The following PDE11A variants were observed in gnomAD, a reference collection of about 807,000 sequenced individuals.
The protein encoded by PDE11A is dual 3',5'-cyclic-AMP and -GMP phosphodiesterase 11A.
In PDE11A, 100 loss-of-function variants were observed where a neutral mutation model predicts 100.5. The ratio of observed to expected loss-of-function variants is 1.00; its 90% CI spans 0.85 to 1.18. The LOEUF is 1.18. PDE11A is among the 50% of genes most tolerant of loss of function. The pLI is 0.00. For synonymous variants in PDE11A, 381 were observed against 420.8 expected (o/e 0.91, Z 1.16); for missense variants, 1,141 against 1,152.6 (o/e 0.99, Z 0.15).
intron 3 of PDE11A, among the ~76,000 whole-genome samples, chr2:177,902,956 A>G (rs2084721446): frequency 6.6e-6 from 1 of 152,196 alleles, no homozygotes; most frequent in Non-Finnish European, 1.5e-5. Flanking sequence ...TATTATCTCC[A>G]GGGAGGCCAG....
At position 178,056,644 on chromosome 2, in the gene PDE11A, G is replaced by A. The variant is rs181762536; in HGVS notation, c.912+14882C>T. On this transcript the variant is annotated intron_variant, in intron 1 of 19. Coordinates refer to ENST00000286063, the MANE Select transcript of PDE11A (RefSeq NM_016953.4). ...CTCTGTGTATTTAAAAGAAAAACAAGTATTTCATATATCTGATATTAAAAT... is the reference window on the plus strand; with the variant it reads ...CTCTGTGTATTTAAAAGAAAAACAAATATTTCATATATCTGATATTAAAAT... Among the ~76,000 whole-genome samples, 621 of 152,092 alleles carry A rather than the reference G, an allele frequency of 4.1e-3. 4 individuals are homozygous for A. Among genetic ancestry groups the A allele is most frequent in the Middle Eastern group, 0.031 (9 of 294 alleles).
intron 19 of PDE11A, among the ~76,000 whole-genome samples, chr2:177,647,118 G>A (rs560515910): frequency 2.6e-5 from 4 of 152,294 alleles, no homozygotes; most frequent in South Asian, 4.2e-4. Context: ...AAGCAGTCAC[G>A]TGGTAATAAT....
intron 2 of PDE11A, among the ~76,000 whole-genome samples, chr2:177,935,786 C>T (rs1019558682): frequency 1.3e-5 from 2 of 152,114 alleles, no homozygotes; most frequent in African/African-American, 2.4e-5. Context: ...ACCATAAATG[C>T]GATGTTGAGC....
intron 2 of PDE11A, among the ~76,000 whole-genome samples, chr2:177,956,382 A>G: frequency 6.6e-6 from 1 of 152,208 alleles, no homozygotes; most frequent in East Asian, 1.9e-4. Context: ...ACCAGTTAGA[A>G]TGGCAATCAT....
chr2:177,724,880 C>G (rs2081577565), intron 12 of PDE11A, among the ~76,000 whole-genome samples: 1 of 152,072 alleles, frequency 6.6e-6, no homozygotes, highest in South Asian at 2.1e-4. Flanking sequence ...CCTCAGCACA[C>G]ACACGCTGTG....
intron 1 of PDE11A, among the ~76,000 whole-genome samples, chr2:178,104,788 A>G (rs987253147): frequency 6.6e-6 from 1 of 152,214 alleles, no homozygotes; most frequent in Non-Finnish European, 1.5e-5. Context: ...ATATTAATTT[A>G]TCCAGGTCAA....
At chr2:178,030,845 A>C (rs543549937) in intron 1 of PDE11A, among the ~76,000 whole-genome samples, 5 of 152,330 alleles carry the variant, frequency 3.3e-5, no homozygotes, top group South Asian at 4.1e-4. Context: ...GTGTCACTGC[A>C]CACCAGCCTG....
chr2:177,687,702 A>G (rs929146687), intron 15 of PDE11A: 3 of 152,222 alleles, frequency 2.0e-5, no homozygotes, highest in Non-Finnish European at 4.4e-5. Context: ...GAATATGTAC[A>G]TGTATATGTA....
At chr2:177,652,346 G>A (rs75020077) in intron 19 of PDE11A, among the ~76,000 whole-genome samples, 14,596 of 152,216 alleles carry the variant, frequency 0.096, 870 homozygotes, top group East Asian at 0.19. Context: ...AGTAAGACTA[G>A]GAGTTGCATG....
chr2:178,085,701 A>G (rs2087342688), intron 2 of PDE11A, among the ~76,000 whole-genome samples: 1 of 152,188 alleles, frequency 6.6e-6, no homozygotes, highest in African/African-American at 2.4e-5. Context: ...GATTCAAGGG[A>G]AAATAGAGAA....
At chr2:177,844,455 C>A (rs1338599332) in intron 5 of PDE11A, among the ~76,000 whole-genome samples, 1 of 152,030 alleles carries the variant, frequency 6.6e-6, no homozygotes, top group African/African-American at 2.4e-5. Flanking sequence ...TTTGGGCAGA[C>A]ACAAACATTC....
At chr2:177,837,802 G>T (rs1198247561) in intron 6 of PDE11A, among the ~76,000 whole-genome samples, 1 of 152,170 alleles carries the variant, frequency 6.6e-6, no homozygotes, top group South Asian at 2.1e-4. Context: ...CACCTGTGAG[G>T]TTACTTTTGG....
At chr2:177,915,163 T>C (rs2084934908) in intron 2 of PDE11A, among the ~76,000 whole-genome samples, 2 of 152,222 alleles carry the variant, frequency 1.3e-5, no homozygotes, top group African/African-American at 4.8e-5. Flanking sequence ...GAGTGGTACA[T>C]TTGTTACAAC....
intron 3 of PDE11A, 68 bp downstream of exon 3, chr2:177,905,030 G>A (rs1485313125): frequency 1.3e-5 from 11 of 852,892 alleles, no homozygotes; most frequent in African/African-American, 5.0e-5. Flanking sequence ...GTTTTTAAAA[G>A]ACATAATGAC....
chr2:177,746,205 AT>A (rs890829860), intron 10 of PDE11A, among the ~76,000 whole-genome samples: 1 of 152,260 alleles, frequency 6.6e-6, no homozygotes, highest in African/African-American at 2.4e-5. Context: ...TCTAAAAAAA[AT>A]TCGTAGGTAA....
At chr2:177,953,423 G>A (rs1159863007) in intron 2 of PDE11A, 1 of 152,092 alleles carries the variant, frequency 6.6e-6, no homozygotes, top group Non-Finnish European at 1.5e-5. Flanking sequence ...GGAAAGAAAA[G>A]TGAATATCAT....
intron 1 of PDE11A, among the ~76,000 whole-genome samples, chr2:178,060,140 G>A (rs921967534): frequency 6.6e-6 from 1 of 152,160 alleles, no homozygotes; most frequent in Non-Finnish European, 1.5e-5. Context: ...CTGTGTTGAG[G>A]CTCAGGAAGG....
At chr2:177,854,786 T>C (rs964258968) in intron 5 of PDE11A, among the ~76,000 whole-genome samples, 8 of 152,128 alleles carry the variant, frequency 5.3e-5, no homozygotes, top group East Asian at 1.9e-4. Context: ...TTGTCTTCCA[T>C]TGAGCTAATT....
chr2:177,980,429 C>G (rs2085866732), intron 2 of PDE11A, among the ~76,000 whole-genome samples: 1 of 150,704 alleles, frequency 6.6e-6, no homozygotes, highest in Non-Finnish European at 1.5e-5. Context: ...TGGAGTCAAA[C>G]TGTAACATAG....
Sources: allele counts gnomAD v4.1 joint callset (sites outside exome capture counted in the v4.1 genomes callset), GRCh38; gene constraint gnomAD v4.1.1; transcripts MANE v1.5; gene names NCBI Gene and HGNC (gene_info 2026-07-23, HGNC 2026-07-21).